Variants in ERBIN observed in about 807,000 individuals in gnomAD.
The protein encoded by ERBIN is erbb2 interacting protein, also known as densin-180-like protein.
In ERBIN, 60 loss-of-function variants were observed where a neutral mutation model predicts 158.4. That is an observed-to-expected ratio of 0.38 (90% confidence interval 0.31 to 0.47). The LOEUF is 0.47. Ranked by LOEUF, ERBIN falls within the 20% of genes least tolerant of loss-of-function variation. The probability of loss-of-function intolerance (pLI) is 0.99; values close to 1 mark genes in which losing one functional copy is unlikely to be tolerated. For synonymous variants in ERBIN, 594 were observed against 557.2 expected (o/e 1.07, Z -0.93); for missense variants, 1,610 against 1,648.0 (o/e 0.98, Z 0.40).
At position 66,003,923 on chromosome 5, in the gene ERBIN, CTTTTTTTTTTTT is replaced by C. The variant is rs35063438; in HGVS notation, c.308-8112_308-8101del. ...CTTCATTTCACATTGGAGCAGCAGT[CTTTTTTTTTTTT>C]TTTTTTTTTTTTTATAAGAGGCGGT... On this transcript the variant is annotated intron_variant, in intron 4 of 25. Coordinates refer to ENST00000284037, the MANE Select transcript of ERBIN (RefSeq NM_001253697.2). Among the ~76,000 whole-genome samples, 296 of 62,684 alleles carry C rather than the reference CTTTTTTTTTTTT, an allele frequency of 4.7e-3. 2 individuals carry two copies. The highest frequency in any genetic ancestry group is 5.2e-3 in the Non-Finnish European group (179 of 34,352). The allele number at this position is 62,684 out of a possible 152,430, so 41.1% of individuals were successfully genotyped here. A position where few individuals can be genotyped will look rare whatever the true frequency, so the allele number is the denominator to read the frequency against.
Position 66,021,361 on chromosome 5 carries a change from G to A in ERBIN, c.573G>A (p.Leu191=), listed in dbSNP as rs780393358. The A allele has an allele frequency of 6.2e-7, 1 of 1,603,468 alleles. No individual in the cohort carries two copies. Among genetic ancestry groups the A allele is most frequent in the Non-Finnish European group, 8.5e-7 (1 of 1,172,878 alleles). ...TGACCCAGCTGGAAAGACTGGATTT[G>A]GGAAGTAACGAATTCACGGAAGTGG... The part of the protein sequence containing the change: ...NRLTQLERLD[L]GSNEFTEVPE... Residue 191 remains leucine, a synonymous_variant, in exon 8 of 26, where the codon TTG becomes TTA. Coordinates refer to ENST00000284037, the MANE Select transcript of ERBIN (RefSeq NM_001253697.2).
chr5:65,928,836 C>A (rs1433812323), intron 1 of ERBIN, among the ~76,000 whole-genome samples: 2 of 152,066 alleles, frequency 1.3e-5, no homozygotes, highest in African/African-American at 4.8e-5. Flanking sequence ...TAAACTGTGA[C>A]AAAGGTTTGA....
chr5:65,978,472 A>T (rs73762637), intron 1 of ERBIN, among the ~76,000 whole-genome samples: 3,988 of 152,300 alleles, frequency 0.026, 178 homozygotes, highest in African/African-American at 0.092. Context: ...TTCAACCTTG[A>T]TCTACACTTT....
intron 7 of ERBIN, 116 bp downstream of exon 7, chr5:66,014,841 CTG>C (rs1754549487): frequency 1.9e-6 from 1 of 523,978 alleles, no homozygotes; most frequent in Non-Finnish European, 3.3e-6. Context: ...TAAATCCTGA[CTG>C]TGTGGTCATC....
chr5:65,971,246 T>G (rs1411862640), intron 1 of ERBIN, among the ~76,000 whole-genome samples: 2 of 143,822 alleles, frequency 1.4e-5, no homozygotes, highest in African/African-American at 5.1e-5. Flanking sequence ...TGCATGCTGG[T>G]TTTTTTTTTT....
chr5:65,996,277 G>A (rs1478267925), intron 4 of ERBIN, among the ~76,000 whole-genome samples: 1 of 137,386 alleles, frequency 7.3e-6, no homozygotes, highest in Non-Finnish European at 1.5e-5. Context: ...ACAGTTTTGG[G>A]TGTTATAGTT....
chr5:66,005,139 A>ATGC (rs1291723796), intron 4 of ERBIN, among the ~76,000 whole-genome samples: 1 of 152,174 alleles, frequency 6.6e-6, no homozygotes, highest in Admixed American at 6.5e-5. Context: ...ACCAGTTCAA[A>ATGC]TGCTGTTTCA....
At chr5:66,058,305 T>C (rs1348586590) in intron 21 of ERBIN, among the ~76,000 whole-genome samples, 1 of 152,050 alleles carries the variant, frequency 6.6e-6, no homozygotes, top group African/African-American at 2.4e-5. Flanking sequence ...ATGAGCACTT[T>C]TTCATGTGTT....
rs796845568 is a variant in ERBIN, at chr5:65,940,590, A to T, written c.-58+13784A>T. Reference sequence around the variant, plus strand: ...GGGGCGCCTCTGCCCGGCCGCCCCTACTGGGAAGTGAGGAGCCCCTCTGCC... The same window carrying T: ...GGGGCGCCTCTGCCCGGCCGCCCCTTCTGGGAAGTGAGGAGCCCCTCTGCC... On this transcript the variant is annotated intron_variant, in intron 1 of 25. Transcript: ENST00000284037. Among the ~76,000 whole-genome samples, 179 of 60,180 alleles carry T rather than the reference A, an allele frequency of 3.0e-3. 11 individuals carry two copies. Among genetic ancestry groups the T allele is most frequent in the African/African-American group, 0.01 (154 of 15,120 alleles). The allele number at this position is 60,180 out of a possible 152,430, so 39.5% of individuals were successfully genotyped here.
chr5:66,051,223 A>G (rs1250540661), intron 20 of ERBIN, among the ~76,000 whole-genome samples: 1 of 152,202 alleles, frequency 6.6e-6, no homozygotes, highest in Non-Finnish European at 1.5e-5. Flanking sequence ...ATATTTTTAG[A>G]TATGGCAACA....
intron 1 of ERBIN, among the ~76,000 whole-genome samples, chr5:65,981,665 T>A (rs1750675168): frequency 1.3e-5 from 2 of 152,032 alleles, no homozygotes; most frequent in Non-Finnish European, 2.9e-5. Flanking sequence ...AAAAAAACAA[T>A]TGTTTTAGGT....
rs1561380567 is a variant in ERBIN, at chr5:66,018,497, TAA to T, written c.534-2824_534-2823del. ...ATTATATATTATATATTATATTATA[TAA>T]TATATATTATATATTATATAATATA... On this transcript the variant is annotated intron_variant, in intron 7 of 25. Transcript: ENST00000284037. Among the ~76,000 whole-genome samples the T allele has an allele frequency of 2.5e-3, 47 of 19,076 alleles. 9 individuals carry two copies. The highest frequency in any genetic ancestry group is 4.3e-3 in the South Asian group (3 of 700). The allele number at this position is 19,076 out of a possible 152,430, so 12.5% of individuals were successfully genotyped here.
At chr5:65,936,626 C>A (rs1561264513) in intron 1 of ERBIN, among the ~76,000 whole-genome samples, 2 of 152,104 alleles carry the variant, frequency 1.3e-5, no homozygotes, top group African/African-American at 2.4e-5. Flanking sequence ...TTCTGTCTTA[C>A]AAATGTCTAC....
At position 66,079,653 on chromosome 5, in the gene ERBIN, T is replaced by A. The variant is rs1030220611; in HGVS notation, c.*1123T>A. 3 of 152,600 alleles carry A rather than the reference T, an allele frequency of 2.0e-5. No individual in the cohort carries two copies. Among genetic ancestry groups the A allele is most frequent in the African/African-American group, 7.2e-5 (3 of 41,438 alleles). The allele number at this position is 152,600 out of a possible 1,614,324, so 9.5% of individuals were successfully genotyped here. A position where few individuals can be genotyped will look rare whatever the true frequency, so the allele number is the denominator to read the frequency against. On this transcript the variant is annotated 3_prime_UTR_variant, in exon 26 of 26. Transcript: ENST00000284037. ...AACTGGCACAGTGATAGAGAATTGCTGTGGAGAGTTATAGAGCAAAGGGAT... is the reference window on the plus strand; with the variant it reads ...AACTGGCACAGTGATAGAGAATTGCAGTGGAGAGTTATAGAGCAAAGGGAT...
At chr5:65,958,921 T>C (rs1747606918) in intron 1 of ERBIN, among the ~76,000 whole-genome samples, 1 of 152,192 alleles carries the variant, frequency 6.6e-6, no homozygotes, top group South Asian at 2.1e-4. Flanking sequence ...TGATGTTTGA[T>C]AGGTTACGTG....
intron 1 of ERBIN, among the ~76,000 whole-genome samples, chr5:65,935,899 A>G (rs1016766505): frequency 2.6e-5 from 4 of 151,774 alleles, no homozygotes; most frequent in South Asian, 2.1e-4. Context: ...TAATTTTTCT[A>G]TTTTTTATAG....
chr5:66,024,511 ATC>A lies in ERBIN; in HGVS notation c.817+64_817+65del, dbSNP rs1268638878. ...AAAATAAATTCGAGACTTCCACATA[ATC>A]TCAAATTTCACTTGTTATGAGGTAG... On this transcript the variant is annotated intron_variant, in intron 10 of 25. Coordinates refer to ENST00000284037, the MANE Select transcript of ERBIN (RefSeq NM_001253697.2). 16 of 1,485,074 alleles carry A rather than the reference ATC, an allele frequency of 1.1e-5. No individual in the cohort carries two copies. The East Asian group carries it at 3.5e-4, about 32-fold the overall frequency. 92.0% of individuals were successfully genotyped at this position (1,485,074 alleles called of 1,614,324 possible).
intron 1 of ERBIN, among the ~76,000 whole-genome samples, chr5:65,936,252 A>G (rs6862927): frequency 0.04 from 6,092 of 152,206 alleles, 415 homozygotes; most frequent in African/African-American, 0.14. Flanking sequence ...AGGTTATCAC[A>G]CAACCTAGAA....
intron 15 of ERBIN, among the ~76,000 whole-genome samples, chr5:66,041,105 G>A (rs145116469): frequency 1.4e-4 from 22 of 152,046 alleles, no homozygotes; most frequent in African/African-American, 5.1e-4. Context: ...GGGCATTTCA[G>A]GAAGTGGTAG....
Sources: gnomAD v4.1 joint callset for allele counts (sites outside exome capture counted in the v4.1 genomes callset) on GRCh38, gnomAD v4.1.1 for gene constraint, MANE v1.5 for transcripts, NCBI Gene and HGNC (gene_info 2026-07-23, HGNC 2026-07-21) for gene names.